The following GLYATL3 variants were observed in gnomAD, a reference collection of about 807,000 sequenced individuals.
The protein encoded by GLYATL3 is glycine-N-acyltransferase like 3, also known as glycine N-acyltransferase-like protein 3.
In GLYATL3, 31 loss-of-function variants were observed where a neutral mutation model predicts 28.5. That is an observed-to-expected ratio of 1.09 (90% CI 0.82 to 1.47). GLYATL3 has a LOEUF of 1.47. GLYATL3 is among the 40% of genes most tolerant of loss of function. The pLI is 0.00. For missense variants in GLYATL3, 369 were observed against 351.5 expected, an observed-to-expected ratio of 1.05 and a Z score of -0.40; for synonymous variants, 141 against 140.2, an observed-to-expected ratio of 1.01 and a Z score of -0.04.
intron 4 of GLYATL3, among the ~76,000 whole-genome samples, chr6:49,518,528 T>C (rs1769255772): frequency 6.6e-6 from 1 of 151,968 alleles, no homozygotes; most frequent in African/African-American, 2.4e-5. Context: ...AAGTCTAGTA[T>C]TTTTTTTCAA....
intron 1 of GLYATL3, among the ~76,000 whole-genome samples, chr6:49,506,869 G>T (rs973663146): frequency 2.0e-5 from 3 of 152,092 alleles, no homozygotes; most frequent in African/African-American, 7.2e-5. Context: ...CCAGGACGTG[G>T]ACTGGGGGAA....
chr6:49,500,013 A>C lies in GLYATL3; in HGVS notation c.-58A>C. 1 of 152,120 alleles carries C rather than the reference A, an allele frequency of 6.6e-6. No individual in the cohort carries two copies. Among genetic ancestry groups the C allele is most frequent in the Non-Finnish European group, 1.5e-5 (1 of 67,992 alleles). 9.4% of individuals were successfully genotyped at this position (152,120 alleles called of 1,614,324 possible). On this transcript the variant is annotated 5_prime_UTR_variant, in exon 1 of 6. Coordinates refer to ENST00000371197, the MANE Select transcript of GLYATL3 (RefSeq NM_001010904.2). Reference sequence around the variant, plus strand: ...CTACTGGACTGATACACAGCTGAAAACCCTCAGTTCTGGACTGAACTCCCA... The same window carrying C: ...CTACTGGACTGATACACAGCTGAAACCCCTCAGTTCTGGACTGAACTCCCA...
chr6:49,518,838 G>A (rs1769263442), intron 4 of GLYATL3, among the ~76,000 whole-genome samples: 2 of 152,118 alleles, frequency 1.3e-5, no homozygotes, highest in African/African-American at 4.8e-5. Context: ...CTACTCAGGA[G>A]GCTGAGGCAG....
chr6:49,525,560 CAAAAAAAAAAAAAAAAAA>C (rs56711143), intron 5 of GLYATL3, among the ~76,000 whole-genome samples: 1 of 66,594 alleles, frequency 1.5e-5, no homozygotes, highest in African/African-American at 6.5e-5. Context: ...GCAAGGCTCT[CAAAAAAAAAAAAAAAAAA>C]AAAAAAAAAA....
Position 49,513,979 on chromosome 6 carries a change from G to A in GLYATL3, c.79-1674G>A, listed in dbSNP as rs540675001. 8.5e-5 allele frequency among the ~76,000 whole-genome samples: 13 copies of A among 152,198 alleles called. No individual in the cohort carries two copies. The East Asian group carries it at 2.5e-3, about 29-fold the overall frequency. On this transcript the variant is annotated intron_variant, in intron 2 of 5. Coordinates refer to ENST00000371197, the MANE Select transcript of GLYATL3 (RefSeq NM_001010904.2). Reference sequence around the variant, plus strand: ...AAAGTGATAAGGGAGGTAAATGTAGGTTCCAATGTCCTTATAAACAAAACA... The same window carrying A: ...AAAGTGATAAGGGAGGTAAATGTAGATTCCAATGTCCTTATAAACAAAACA...
chr6:49,518,344 G>C (rs1264825352), intron 4 of GLYATL3, among the ~76,000 whole-genome samples: 1 of 152,154 alleles, frequency 6.6e-6, no homozygotes, highest in Admixed American at 6.5e-5. Context: ...GAAGATTAAG[G>C]GTTTCTGATA....
chr6:49,510,426 G>A (rs12208221), intron 1 of GLYATL3, among the ~76,000 whole-genome samples: 12,893 of 152,082 alleles, frequency 0.085, 626 homozygotes, highest in Non-Finnish European at 0.11. Context: ...GTTCTAATTC[G>A]TACTCTTTTC....
At position 49,526,644 on chromosome 6, in the gene GLYATL3, C is replaced by G. The variant is rs1347443389; in HGVS notation, c.597C>G (p.Asn199Lys). The G allele has an allele frequency of 1.3e-6, 2 of 1,551,878 alleles. No homozygotes were observed. The highest frequency in any genetic ancestry group is 1.7e-6 in the Non-Finnish European group (2 of 1,147,028). ...PSVCVRDEKG[N>K]PVSWSITDQF... ...TGTGTGTCCGGGATGAGAAGGGAAA[C>G]CCGGTCTCCTGGTCCATCACAGACC... Residue 199 changes from asparagine (N) to lysine (K), a missense_variant, in exon 6 of 6, where the codon AAC becomes AAG. Coordinates refer to ENST00000371197, the MANE Select transcript of GLYATL3 (RefSeq NM_001010904.2).
intron 1 of GLYATL3, among the ~76,000 whole-genome samples, chr6:49,501,374 T>C (rs890669843): frequency 6.6e-6 from 1 of 152,236 alleles, no homozygotes; most frequent in African/African-American, 2.4e-5. Context: ...TCACACAAGA[T>C]AGTGAAAGCA....
chr6:49,515,620 A>G (rs185410542), intron 2 of GLYATL3, 33 bp from the exon 3 acceptor site: 4 of 1,230,150 alleles, frequency 3.3e-6, no homozygotes, highest in Non-Finnish European at 4.7e-6. Context: ...AGCTAATAGT[A>G]TGATTGGCTT....
intron 1 of GLYATL3, among the ~76,000 whole-genome samples, chr6:49,500,975 G>A (rs967477013): frequency 8.5e-5 from 13 of 152,206 alleles, no homozygotes; most frequent in Admixed American, 6.5e-4. Context: ...TAGATTAATT[G>A]TAGTGTCCTC....
intron 1 of GLYATL3, among the ~76,000 whole-genome samples, chr6:49,508,313 A>ATAACAG (rs1769053283): frequency 6.6e-6 from 1 of 152,118 alleles, no homozygotes; most frequent in African/African-American, 2.4e-5. Context: ...AATAACAACA[A>ATAACAG]CAACAACAAC....
At chr6:49,521,430 A>G (rs1475634889) in intron 4 of GLYATL3, among the ~76,000 whole-genome samples, 1 of 152,176 alleles carries the variant, frequency 6.6e-6, no homozygotes, top group Non-Finnish European at 1.5e-5. Flanking sequence ...AGTGGTCCCA[A>G]TGGGCAACAT....
At chr6:49,526,405 T>C in intron 5 of GLYATL3, 83 bp from the exon 6 acceptor site, 3 of 1,184,660 alleles carry the variant, frequency 2.5e-6, no homozygotes, top group Non-Finnish European at 3.6e-6. Context: ...AGAGCAAGAC[T>C]GTGTCTCGAA....
At chr6:49,521,483 A>G (rs1282766445) in intron 4 of GLYATL3, among the ~76,000 whole-genome samples, 162 bp from the exon 5 acceptor site, 1 of 152,208 alleles carries the variant, frequency 6.6e-6, no homozygotes, top group Admixed American at 6.5e-5. Context: ...AACTTAGACA[A>G]TAGCTGTAAT....
chr6:49,515,879 C>A, intron 3 of GLYATL3, 119 bp downstream of exon 3: 1 of 641,694 alleles, frequency 1.6e-6, no homozygotes, highest in South Asian at 1.9e-5. Context: ...TTTCACCATT[C>A]ATTTCTTTTC....
chr6:49,506,291 G>A (rs1277735435), intron 1 of GLYATL3, among the ~76,000 whole-genome samples: 1 of 152,046 alleles, frequency 6.6e-6, no homozygotes, highest in Non-Finnish European at 1.5e-5. Context: ...TCTTTAGTGG[G>A]GGCAGCAATT....
chr6:49,501,521 T>C (rs570630286), intron 1 of GLYATL3, among the ~76,000 whole-genome samples: 3 of 152,186 alleles, frequency 2.0e-5, no homozygotes, highest in African/African-American at 7.2e-5. Flanking sequence ...AAGTAATTCT[T>C]TAACATAATA....
chr6:49,526,570 G>C lies in GLYATL3; in HGVS notation c.523G>C (p.Glu175Gln), dbSNP rs1332283891. Residue 175 changes from glutamate to glutamine, a missense_variant, in exon 6 of 6, where the codon GAA (glutamate) becomes CAA (glutamine). Coordinates refer to ENST00000371197, the MANE Select transcript of GLYATL3 (RefSeq NM_001010904.2). ...LNRTWSRGGN[E>Q]QCLRYIANLI... ...CCGGACTTGGTCCCGGGGAGGCAATGAACAATGTCTCCGGTACATCGCCAA... is the reference window on the plus strand; with the variant it reads ...CCGGACTTGGTCCCGGGGAGGCAATCAACAATGTCTCCGGTACATCGCCAA... 1 of 1,551,900 alleles carries C rather than the reference G, an allele frequency of 6.4e-7. No homozygotes were observed. Among genetic ancestry groups the C allele is most frequent in the East Asian group, 2.4e-5 (1 of 40,920 alleles).
Sources: allele counts gnomAD v4.1 joint callset (sites outside exome capture counted in the v4.1 genomes callset), GRCh38; gene constraint gnomAD v4.1.1; transcripts MANE v1.5; gene names NCBI Gene and HGNC (gene_info 2026-07-23, HGNC 2026-07-21).